The following CHAT variants were observed in gnomAD, a reference collection of about 807,000 sequenced individuals.
The protein encoded by CHAT is acetyl CoA:choline O-acetyltransferase.
A neutral mutation model predicts 76.9 loss-of-function variants in CHAT; 61 were observed. The observed-to-expected ratio is 0.79, with a 90% confidence interval of 0.65 to 0.98. The LOEUF (loss-of-function observed/expected upper bound fraction) is 0.98, where lower values mean the gene tolerates loss of function less well. CHAT is among the 50% of genes least tolerant of loss of function. The pLI is 0.00. For missense variants in CHAT, 946 were observed against 986.9 expected (o/e 0.96, Z 0.56); for synonymous variants, 407 against 397.4 (o/e 1.02, Z -0.29).
At position 49,640,719 on chromosome 10, in the gene CHAT, A is replaced by C. The variant is rs149191520; in HGVS notation, c.1112-5786A>C. On this transcript the variant is annotated intron_variant, in intron 7 of 14. Coordinates refer to ENST00000337653, the MANE Select transcript of CHAT (RefSeq NM_020549.5). Reference sequence around the variant, plus strand: ...CCTTTGCTGGCAAGGGTGCTGGGGGAGGGAGGGATGACACGGTTTTTCTCT... The same window carrying C: ...CCTTTGCTGGCAAGGGTGCTGGGGGCGGGAGGGATGACACGGTTTTTCTCT... Among the ~76,000 whole-genome samples the C allele has an allele frequency of 1.9e-3, 294 of 151,806 alleles. 1 individual carries two copies. Among genetic ancestry groups the C allele is most frequent in the African/African-American group, 6.9e-3 (284 of 41,390 alleles).
upstream of CHAT, among the ~76,000 whole-genome samples, chr10:49,613,758 G>A (rs1208540888): frequency 6.6e-6 from 1 of 152,206 alleles, no homozygotes; most frequent in Admixed American, 6.5e-5. Context: ...CTGCCATCAG[G>A]ATTGTCCCAA....
rs1443068286 is a variant in CHAT, at chr10:49,667,007, C to T, written c.*1961C>T. Among the ~76,000 whole-genome samples, 1 of 152,216 alleles carries T rather than the reference C, an allele frequency of 6.6e-6. No individual in the cohort carries two copies. Among genetic ancestry groups the T allele is most frequent in the East Asian group, 1.9e-4 (1 of 5,194 alleles). On this transcript the variant is annotated 3_prime_UTR_variant, in exon 15 of 15. Transcript: ENST00000337653. ...CTATGGGGCCAGGCAGCCCCACCAA[C>T]CTCGGCCAAATGACATGCATGCCCA...
intron 13 of CHAT, among the ~76,000 whole-genome samples, chr10:49,658,403 G>C (rs1398223382): frequency 6.6e-6 from 1 of 152,232 alleles, no homozygotes; most frequent in Non-Finnish European, 1.5e-5. Context: ...TGCAATCCCA[G>C]CTACTCGGGA....
At chr10:49,615,414 C>T (rs1838453659) in intron 1 of CHAT, among the ~76,000 whole-genome samples, 1 of 152,230 alleles carries the variant, frequency 6.6e-6, no homozygotes, top group Non-Finnish European at 1.5e-5. Flanking sequence ...ATTCTCTGCC[C>T]AGCACTGCAA....
intron 11 of CHAT, among the ~76,000 whole-genome samples, chr10:49,652,405 C>A (rs1176055229): frequency 6.6e-6 from 1 of 152,184 alleles, no homozygotes; most frequent in Non-Finnish European, 1.5e-5. Context: ...GGAAATGGAA[C>A]CAGCAGCTCC....
At chr10:49,640,652 A>T (rs1213433432) in intron 7 of CHAT, among the ~76,000 whole-genome samples, 1 of 152,004 alleles carries the variant, frequency 6.6e-6, no homozygotes, top group Non-Finnish European at 1.5e-5. Flanking sequence ...GAGATGCCTC[A>T]TTACTGACTG....
chr10:49,615,351 G>A (rs554681934), intron 1 of CHAT, among the ~76,000 whole-genome samples: 17 of 152,336 alleles, frequency 1.1e-4, no homozygotes, highest in African/African-American at 2.6e-4. Flanking sequence ...ACTGGGAGGC[G>A]TGGGAACAAG....
chr10:49,632,420 G>A (rs1033948330), intron 7 of CHAT, among the ~76,000 whole-genome samples: 13 of 152,222 alleles, frequency 8.5e-5, no homozygotes, highest in Admixed American at 2.0e-4. Flanking sequence ...TTAACTCCAC[G>A]GAAAGGGTTG....
chr10:49,636,404 C>T (rs1839295505), intron 7 of CHAT, among the ~76,000 whole-genome samples: 1 of 152,112 alleles, frequency 6.6e-6, no homozygotes, highest in Admixed American at 6.5e-5. Context: ...TTGCTTAATT[C>T]TACCTGCTAA....
intron 14 of CHAT, among the ~76,000 whole-genome samples, chr10:49,663,707 T>C (rs1161121213): frequency 6.6e-6 from 1 of 152,170 alleles, no homozygotes; most frequent in Non-Finnish European, 1.5e-5. Context: ...AAAGGCTGGA[T>C]GGGCAGTACT....
chr10:49,655,022 C>T (rs1839987300), intron 11 of CHAT, 73 bp from the exon 12 acceptor site: 3 of 1,534,184 alleles, frequency 2.0e-6, no homozygotes, highest in Non-Finnish European at 2.7e-6. Flanking sequence ...CTTGCTGAGG[C>T]AATTTTTCTT....
At chr10:49,651,815 C>G in intron 10 of CHAT, 69 bp from the exon 11 acceptor site, 1 of 1,525,480 alleles carries the variant, frequency 6.6e-7, no homozygotes, top group Non-Finnish European at 8.9e-7. Flanking sequence ...TCTAGAAGCC[C>G]GGGGAAACCC....
intron 10 of CHAT, among the ~76,000 whole-genome samples, chr10:49,650,969 G>T (rs1188651481): frequency 1.3e-5 from 2 of 152,092 alleles, no homozygotes; most frequent in Admixed American, 6.5e-5. Context: ...CACTTCCAGG[G>T]ACCTGAGCAG....
chr10:49,617,606 C>A lies in CHAT; in HGVS notation c.387+1004C>A, dbSNP rs376153736. Among the ~76,000 whole-genome samples, 11 of 152,306 alleles carry A rather than the reference C, an allele frequency of 7.2e-5. No individual in the cohort carries two copies. In the South Asian group the frequency reaches 2.1e-3, roughly 29 times the overall value. ...CCCTGTTAGCCAGGCTAAGTCACAG[C>A]GCACTGTCAGAGCCTGGAAGAAGGG... On this transcript the variant is annotated intron_variant, in intron 2 of 14. Transcript: ENST00000337653.
At chr10:49,656,117 A>G (rs1840025768) in intron 13 of CHAT, among the ~76,000 whole-genome samples, 1 of 152,198 alleles carries the variant, frequency 6.6e-6, no homozygotes, top group Non-Finnish European at 1.5e-5. Flanking sequence ...GGAGCTGAAC[A>G]AATTTCACTA....
chr10:49,635,025 C>T (rs1280300617), intron 7 of CHAT, among the ~76,000 whole-genome samples: 1 of 152,134 alleles, frequency 6.6e-6, no homozygotes, highest in Non-Finnish European at 1.5e-5. Flanking sequence ...TTGATACAGT[C>T]AAGATACGGA....
chr10:49,624,056 A>C (rs12762683), intron 5 of CHAT, among the ~76,000 whole-genome samples: 19,672 of 152,132 alleles, frequency 0.13, 1,525 homozygotes, highest in Non-Finnish European at 0.19. Context: ...CTGCACCAAG[A>C]ATAAGGCGAT....
upstream of CHAT, chr10:49,613,929 G>C: frequency 1.7e-6 from 1 of 595,930 alleles, no homozygotes. Flanking sequence ...TGGATGGTGG[G>C]GAGAGGAGGG....
intron 3 of CHAT, 116 bp downstream of exon 3, chr10:49,620,032 G>A: frequency 9.9e-7 from 1 of 1,015,184 alleles, no homozygotes; most frequent in South Asian, 1.6e-5. Flanking sequence ...AGAGATGAGG[G>A]ACAGGGATGG....
Sources: allele counts gnomAD v4.1 joint callset (sites outside exome capture counted in the v4.1 genomes callset), GRCh38; gene constraint gnomAD v4.1.1; transcripts MANE v1.5; gene names NCBI Gene and HGNC (gene_info 2026-07-23, HGNC 2026-07-21).